The following CNTN4 variants were observed in gnomAD, a reference collection of about 807,000 sequenced individuals.
The protein encoded by CNTN4 is contactin-4.
In CNTN4, 77 loss-of-function variants were observed where a neutral mutation model predicts 122.5. The ratio of observed to expected loss-of-function variants is 0.63; its 90% CI spans 0.52 to 0.76. The LOEUF (loss-of-function observed/expected upper bound fraction) is 0.76. CNTN4 is among the 30% of genes least tolerant of loss of function. The probability of loss-of-function intolerance (pLI) is 0.00; values close to 1 mark genes in which losing one functional copy is unlikely to be tolerated. For synonymous variants in CNTN4, 512 were observed against 447.0 expected (o/e 1.15, Z -1.83); for missense variants, 1,256 against 1,259.1 (o/e 1.00, Z 0.04).
rs2037970951 is a variant in CNTN4 at position 2,198,972 on chromosome 3, G to A, written c.-145+98333G>A. 3.9e-5 allele frequency among the ~76,000 whole-genome samples: 6 copies of A among 152,314 alleles called. No individual in the cohort carries two copies. In the South Asian group the frequency reaches 1.0e-3, roughly 26 times the overall value. On this transcript the variant is annotated intron_variant, in intron 2 of 24. Coordinates refer to ENST00000418658, the MANE Select transcript of CNTN4 (RefSeq NM_175607.3). ...GCAGGCACACAAAGAAATGACTGGG[G>A]AAGCCGAATCATCGTTTCACTAAGG...
chr3:2,136,693 TA>T (rs745648552), intron 2 of CNTN4, among the ~76,000 whole-genome samples: 735 of 143,174 alleles, frequency 5.1e-3, no homozygotes, highest in Middle Eastern at 7.3e-3. Context: ...TTCCTTGGTT[TA>T]AAAAAAAAAA....
At chr3:2,810,778 A>G (rs2150137099) in intron 6 of CNTN4, among the ~76,000 whole-genome samples, 2 of 152,360 alleles carry the variant, frequency 1.3e-5, no homozygotes, top group South Asian at 4.1e-4. Flanking sequence ...ATACTTTTGA[A>G]GAAGGTATTT....
intron 7 of CNTN4, among the ~76,000 whole-genome samples, chr3:2,863,464 T>C (rs1040403032): frequency 1.4e-5 from 2 of 140,324 alleles, no homozygotes; most frequent in South Asian, 4.5e-4. Flanking sequence ...TTTTTTTTTT[T>C]CAGCATAAGA....
chr3:2,884,023 C>T (rs1290791300), intron 9 of CNTN4, among the ~76,000 whole-genome samples: 1 of 152,152 alleles, frequency 6.6e-6, no homozygotes, highest in Non-Finnish European at 1.5e-5. Context: ...TTATGCCCAG[C>T]CCCATCTATC....
At chr3:2,895,987 G>A (rs572059150) in intron 10 of CNTN4, among the ~76,000 whole-genome samples, 1 of 152,232 alleles carries the variant, frequency 6.6e-6, no homozygotes. Flanking sequence ...GAGCCAAGAT[G>A]GCGCCACCGC....
chr3:2,957,494 G>T (rs1196223282), intron 13 of CNTN4, among the ~76,000 whole-genome samples: 1 of 151,966 alleles, frequency 6.6e-6, no homozygotes, highest in East Asian at 1.9e-4. Flanking sequence ...TTGTAACATG[G>T]GTATATTGTG....
intron 2 of CNTN4, among the ~76,000 whole-genome samples, chr3:2,117,298 G>A (rs953698458): frequency 3.3e-5 from 5 of 152,238 alleles, no homozygotes; most frequent in Non-Finnish European, 7.3e-5. Context: ...AAAGGATACA[G>A]ATGAAGAGAT....
intron 4 of CNTN4, among the ~76,000 whole-genome samples, chr3:2,639,731 G>C (rs2082820491): frequency 2.0e-5 from 3 of 152,132 alleles, no homozygotes; most frequent in Admixed American, 1.3e-4. Context: ...TTTGTGTTTT[G>C]TTTAGTTGGG....
At chr3:2,889,318 A>G (rs2094012323) in intron 10 of CNTN4, among the ~76,000 whole-genome samples, 1 of 152,158 alleles carries the variant, frequency 6.6e-6, no homozygotes, top group South Asian at 2.1e-4. Context: ...ATACATCTGC[A>G]CTTCTCTTTT....
Position 2,969,255 on chromosome 3 carries a change from T to C in CNTN4, c.1359-19090T>C, listed in dbSNP as rs376261985. On this transcript the variant is annotated intron_variant, in intron 13 of 24. Transcript: ENST00000418658. Reference sequence around the variant, plus strand: ...ACCCCTAGCGGATTATCTACCACCTTAGTAACCCCAGCAGAAAACATATAC... The same window carrying C: ...ACCCCTAGCGGATTATCTACCACCTCAGTAACCCCAGCAGAAAACATATAC... Among the ~76,000 whole-genome samples the C allele has an allele frequency of 4.7e-4, 72 of 152,260 alleles. No individual in the cohort carries two copies. The East Asian group carries it at 0.013, about 27-fold the overall frequency.
intron 7 of CNTN4, among the ~76,000 whole-genome samples, chr3:2,838,250 C>T (rs1577003751): frequency 6.6e-6 from 1 of 152,200 alleles, no homozygotes; most frequent in East Asian, 1.9e-4. Flanking sequence ...ATGAAGGCAC[C>T]CATTAAAAGA....
At chr3:2,276,110 A>G (rs1263940925) in intron 2 of CNTN4, among the ~76,000 whole-genome samples, 1 of 151,908 alleles carries the variant, frequency 6.6e-6, no homozygotes, top group Non-Finnish European at 1.5e-5. Flanking sequence ...AATTCATGTC[A>G]TATCTTTTTA....
At chr3:2,213,542 G>A (rs2038709509) in intron 2 of CNTN4, among the ~76,000 whole-genome samples, 1 of 152,176 alleles carries the variant, frequency 6.6e-6, no homozygotes, top group Admixed American at 6.5e-5. Context: ...TCTCCACCAA[G>A]AAGTAGCAAT....
intron 6 of CNTN4, among the ~76,000 whole-genome samples, chr3:2,789,427 A>G (rs1195203096): frequency 3.3e-5 from 5 of 152,156 alleles, no homozygotes; most frequent in Non-Finnish European, 5.9e-5. Context: ...AAGTGGATGC[A>G]ACTCAGATTT....
chr3:2,905,027 G>A (rs1324952218), intron 12 of CNTN4, among the ~76,000 whole-genome samples: 1 of 152,116 alleles, frequency 6.6e-6, no homozygotes. Flanking sequence ...CAGAATATAT[G>A]TGTATGCGTA....
intron 10 of CNTN4, among the ~76,000 whole-genome samples, chr3:2,897,891 C>T (rs1219606116): frequency 6.6e-6 from 1 of 151,956 alleles, no homozygotes; most frequent in East Asian, 1.9e-4. Flanking sequence ...ATAGTTGAAC[C>T]TTGATATTAG....
rs7618366 is a variant in CNTN4 at position 2,840,526 on chromosome 3, C to G, written c.454+20945C>G. 9.6e-3 allele frequency among the ~76,000 whole-genome samples: 874 copies of G among 90,932 alleles called. 39 individuals are homozygous for G. Among genetic ancestry groups the G allele is most frequent in the African/African-American group, 0.029 (855 of 29,600 alleles). The allele number at this position is 90,932 out of a possible 152,430, so 59.7% of individuals were successfully genotyped here. ...CCATCCTGGCTAACACGGTGAAACCCCGTCTCTACTAAAAATACAAAAATT... is the reference window on the plus strand; with the variant it reads ...CCATCCTGGCTAACACGGTGAAACCGCGTCTCTACTAAAAATACAAAAATT... On this transcript the variant is annotated intron_variant, in intron 7 of 24. Transcript: ENST00000418658.
chr3:2,464,664 C>G (rs2075433994), intron 3 of CNTN4, among the ~76,000 whole-genome samples: 1 of 152,170 alleles, frequency 6.6e-6, no homozygotes, highest in African/African-American at 2.4e-5. Context: ...CTTTGATTTA[C>G]TGGGTTTCAG....
chr3:2,297,082 A>G (rs573783326), intron 2 of CNTN4, among the ~76,000 whole-genome samples: 24 of 152,192 alleles, frequency 1.6e-4, no homozygotes, highest in East Asian at 3.9e-4. Context: ...TAAGAAGTCT[A>G]TTGTCAAAAT....
Sources: allele counts gnomAD v4.1 joint callset (sites outside exome capture counted in the v4.1 genomes callset), GRCh38; gene constraint gnomAD v4.1.1; transcripts MANE v1.5; gene names NCBI Gene and HGNC (gene_info 2026-07-23, HGNC 2026-07-21).